VAV3: variants seen among roughly 807,000 people sequenced by gnomAD.
VAV3 encodes the protein guanine nucleotide exchange factor VAV3.
A neutral mutation model predicts 131.2 loss-of-function variants in VAV3; 94 were observed. The ratio of observed to expected loss-of-function variants is 0.72; its 90% CI spans 0.61 to 0.85. The LOEUF is 0.85. VAV3 is among the 40% of genes least tolerant of loss of function. The pLI, the probability that VAV3 is intolerant of heterozygous loss-of-function variation, is 0.00. For missense variants in VAV3, 939 were observed against 1,002.7 expected (o/e 0.94, Z 0.86); for synonymous variants, 349 against 342.0 (o/e 1.02, Z -0.22).
At chr1:107,726,460 G>A (rs1436657216) in intron 15 of VAV3, among the ~76,000 whole-genome samples, 1 of 152,152 alleles carries the variant, frequency 6.6e-6, no homozygotes, top group African/African-American at 2.4e-5. Context: ...TCATGTCTCA[G>A]AACCATCTTT....
intron 1 of VAV3, among the ~76,000 whole-genome samples, chr1:107,919,561 A>G (rs1672788590): frequency 1.3e-5 from 2 of 152,226 alleles, no homozygotes; most frequent in African/African-American, 2.4e-5. Context: ...TGGCTTGCCC[A>G]AGCTGACACA....
intron 2 of VAV3, among the ~76,000 whole-genome samples, chr1:107,849,244 A>C (rs1016197651): frequency 2.7e-4 from 36 of 135,438 alleles, no homozygotes; most frequent in South Asian, 1.3e-3. Context: ...TATGCAACCA[A>C]AAAAAAAAAA....
intron 19 of VAV3, among the ~76,000 whole-genome samples, chr1:107,679,500 CTG>C (rs1658452866): frequency 6.6e-6 from 1 of 152,160 alleles, no homozygotes; most frequent in Non-Finnish European, 1.5e-5. Flanking sequence ...AAGCTAGTGA[CTG>C]TAGGCTTAAA....
intron 1 of VAV3, among the ~76,000 whole-genome samples, chr1:107,885,938 T>C (rs1473642242): frequency 6.6e-6 from 1 of 152,170 alleles, no homozygotes; most frequent in East Asian, 1.9e-4. Flanking sequence ...GAACAGGACA[T>C]GTCAATCCCA....
chr1:107,676,019 G>A (rs1658184037), intron 19 of VAV3, among the ~76,000 whole-genome samples: 1 of 152,198 alleles, frequency 6.6e-6, no homozygotes, highest in Non-Finnish European at 1.5e-5. Flanking sequence ...ATGGAAAAAG[G>A]ACAAGGTAGG....
At chr1:107,616,901 T>G (rs1208393514) in intron 21 of VAV3, among the ~76,000 whole-genome samples, 1 of 152,150 alleles carries the variant, frequency 6.6e-6, no homozygotes, top group Admixed American at 6.6e-5. Flanking sequence ...TAAAAAGTTG[T>G]GTGGAAAACG....
chr1:107,580,834 A>AT (rs1267883782), intron 25 of VAV3, among the ~76,000 whole-genome samples: 1 of 152,224 alleles, frequency 6.6e-6, no homozygotes, highest in African/African-American at 2.4e-5. Flanking sequence ...CCTGTAAAAT[A>AT]TATTTCCATC....
At chr1:107,855,780 G>A (rs973622253) in intron 2 of VAV3, among the ~76,000 whole-genome samples, 2 of 152,104 alleles carry the variant, frequency 1.3e-5, no homozygotes, top group African/African-American at 2.4e-5. Context: ...GCAGCCAGGG[G>A]GAATAAAAGA....
rs559896895 is a variant in VAV3 at position 107,806,209 on chromosome 1, A to G, written c.322-26717T>C. 3.9e-5 allele frequency among the ~76,000 whole-genome samples: 6 copies of G among 152,258 alleles called. No homozygotes were observed. The East Asian group carries it at 9.7e-4, about 25-fold the overall frequency. On this transcript the variant is annotated intron_variant, in intron 2 of 26. Transcript: ENST00000370056. Reference sequence around the variant, plus strand: ...CAGGTCTCCTGTGAGGGAACACAAGACAATGGGGAAGATGGCTGTCCACCT... The same window carrying G: ...CAGGTCTCCTGTGAGGGAACACAAGGCAATGGGGAAGATGGCTGTCCACCT...
chr1:107,784,791 A>G (rs1665893435), intron 2 of VAV3, among the ~76,000 whole-genome samples: 1 of 152,224 alleles, frequency 6.6e-6, no homozygotes, highest in Non-Finnish European at 1.5e-5. Flanking sequence ...ATACCTTGCT[A>G]AATTGTTTTA....
At chr1:107,870,839 C>T (rs1298500025) in intron 2 of VAV3, among the ~76,000 whole-genome samples, 1 of 152,126 alleles carries the variant, frequency 6.6e-6, no homozygotes, top group East Asian at 1.9e-4. Context: ...TTTAAGAAAA[C>T]ATATCACTTT....
At chr1:107,818,238 T>C (rs1667643115) in intron 2 of VAV3, among the ~76,000 whole-genome samples, 1 of 152,206 alleles carries the variant, frequency 6.6e-6, no homozygotes, top group East Asian at 1.9e-4. Flanking sequence ...GAGGAAAGAC[T>C]ATCTGCCTCC....
chr1:107,632,251 C>A (rs1654558982), intron 20 of VAV3, among the ~76,000 whole-genome samples: 1 of 152,112 alleles, frequency 6.6e-6, no homozygotes, highest in Admixed American at 6.6e-5. Flanking sequence ...TTTATAAAAT[C>A]TACTTATGCC....
At chr1:107,931,208 C>T (rs930911720) in intron 1 of VAV3, among the ~76,000 whole-genome samples, 2 of 152,050 alleles carry the variant, frequency 1.3e-5, no homozygotes, top group Non-Finnish European at 2.9e-5. Context: ...TAAGAAATTG[C>T]TCACTTTGTT....
intron 13 of VAV3, 28 bp from the exon 14 acceptor site, chr1:107,749,622 T>C (rs201724164): frequency 1.9e-6 from 3 of 1,604,088 alleles, no homozygotes; most frequent in Admixed American, 3.4e-5. Flanking sequence ...ATTGATTGAT[T>C]TTAAATGGTT....
chr1:107,703,986 T>C (rs1026454575), intron 17 of VAV3, among the ~76,000 whole-genome samples: 3 of 152,202 alleles, frequency 2.0e-5, no homozygotes, highest in Non-Finnish European at 4.4e-5. Context: ...GTAACAATCA[T>C]GCAGCATTAT....
rs796652691 is a variant in VAV3, at chr1:107,765,103, T to C, written c.894A>G (p.Thr298=). The change falls in exon 9 of 27, where the codon ACA becomes ACG. Residue 298 remains threonine (T), a synonymous_variant. Coordinates refer to ENST00000370056, the MANE Select transcript of VAV3 (RefSeq NM_006113.5). ...CTAATTTCAGTTTGACATCTTCTTT[T>C]GTCTTAGAAATGTAGTCTAAACTAG... ...AISSLDYISK[T]KEDVKLKLEE... 2 of 1,613,402 alleles carry C rather than the reference T, an allele frequency of 1.2e-6. No homozygotes were observed. The highest frequency in any genetic ancestry group is 1.7e-5 in the Admixed American group (1 of 59,998).
chr1:107,655,729 A>T lies in VAV3; in HGVS notation c.1778-12974T>A, dbSNP rs554363766. On this transcript the variant is annotated intron_variant, in intron 19 of 26. Transcript: ENST00000370056. Reference sequence around the variant, plus strand: ...CATCTGACAGGGAATTAATAACTAGAATACAGAAGGTGCTCAAACAACTAA... The same window carrying T: ...CATCTGACAGGGAATTAATAACTAGTATACAGAAGGTGCTCAAACAACTAA... Among the ~76,000 whole-genome samples, 5 of 152,250 alleles carry T rather than the reference A, an allele frequency of 3.3e-5. No individual in the cohort carries two copies. The East Asian group carries it at 9.6e-4, about 29-fold the overall frequency.
intron 24 of VAV3, 80 bp from the exon 25 acceptor site, chr1:107,596,421 C>A: frequency 6.8e-7 from 1 of 1,480,792 alleles, no homozygotes; most frequent in Admixed American, 2.0e-5. Context: ...CACATAAATA[C>A]AATAAGGATG....
Sources: allele counts gnomAD v4.1 joint callset (sites outside exome capture counted in the v4.1 genomes callset), GRCh38; gene constraint gnomAD v4.1.1; transcripts MANE v1.5; gene names NCBI Gene and HGNC (gene_info 2026-07-23, HGNC 2026-07-21).